The following TSPAN1 variants were observed in gnomAD, a reference collection of about 807,000 sequenced individuals.
The protein encoded by TSPAN1 is tetraspanin 1.
TSPAN1 carries 23 observed loss-of-function variants against 26.9 expected under a neutral mutation model. The ratio of observed to expected loss-of-function variants is 0.85; its 90% CI spans 0.62 to 1.21. The LOEUF is 1.21. TSPAN1 is among the 50% of genes most tolerant of loss of function. TSPAN1 has a pLI of 0.00. For synonymous variants in TSPAN1, 115 were observed against 114.8 expected (o/e 1.00, Z -0.01); for missense variants, 283 against 298.4 (o/e 0.95, Z 0.38).
At chr1:46,183,768 T>C (rs985936566) in intron 3 of TSPAN1, 5 of 255,148 alleles carry the variant, frequency 2.0e-5, no homozygotes, top group African/African-American at 1.1e-4. Context: ...ATGGTGACTA[T>C]TGAGCCTGTT....
At chr1:46,189,290 C>A, downstream of TSPAN1, 1 of 1,613,730 alleles carries the variant, frequency 6.2e-7, no homozygotes, top group Non-Finnish European at 8.5e-7. Flanking sequence ...TCTGGGGCTC[C>A]TGGGGCTCCC....
chr1:46,189,591 G>T, downstream of TSPAN1: 1 of 1,599,420 alleles, frequency 6.3e-7, no homozygotes, highest in Non-Finnish European at 8.5e-7. Flanking sequence ...GATGGAGACA[G>T]AGACATGGGT....
Position 46,184,629 on chromosome 1 carries a change from G to T in TSPAN1, c.300G>T (p.Glu100Asp). Reference protein sequence around the residue: ...FFILLLIFIAEVAAAVVALVY... With the variant: ...FFILLLIFIADVAAAVVALVY... ...TCCTCCTCCTCATCTTCATTGCTGA[G>T]GTTGCAGCTGCTGTGGTCGCCTTGG... Residue 100 changes from glutamate to aspartate, a missense_variant, in exon 5 of 9, where the codon GAG becomes GAT. Physicochemically the swap from Glu to Asp is conservative, Grantham distance 45. Transcript: ENST00000372003. 3 of 1,614,202 alleles carry T rather than the reference G, an allele frequency of 1.9e-6. No homozygotes were observed. The highest frequency in any genetic ancestry group is 2.5e-6 in the Non-Finnish European group (3 of 1,180,050).
intron 1 of TSPAN1, among the ~76,000 whole-genome samples, chr1:46,178,135 T>C (rs1233912544): frequency 6.6e-6 from 1 of 152,130 alleles, no homozygotes. Context: ...GGTGGGTGGA[T>C]GACTTGAGGT....
At chr1:46,180,982 T>G in intron 2 of TSPAN1, 118 bp from the exon 3 acceptor site, 46 of 785,422 alleles carry the variant, frequency 5.9e-5, no homozygotes, top group Non-Finnish European at 9.1e-5. Context: ...AGAAGCTTGG[T>G]GAGATATGGG....
intron 1 of TSPAN1, among the ~76,000 whole-genome samples, chr1:46,176,811 C>T (rs578202243): frequency 2.6e-3 from 402 of 152,344 alleles, no homozygotes; most frequent in African/African-American, 8.9e-3. Context: ...ACTTTACCAA[C>T]GTTATCTCAT....
chr1:46,193,916 T>C, the TSPAN1 span: 12 of 1,614,048 alleles, frequency 7.4e-6, no homozygotes, highest in African/African-American at 9.3e-5. Flanking sequence ...AGGACCTTGT[T>C]GTCTGGGAGC....
chr1:46,195,733 T>C, the TSPAN1 span: 1 of 1,257,488 alleles, frequency 8.0e-7, no homozygotes. Context: ...CTATGTTATA[T>C]GAGGGGCAGA....
chr1:46,194,962 C>T, the TSPAN1 span: 2 of 1,614,036 alleles, frequency 1.2e-6, no homozygotes, highest in Non-Finnish European at 1.7e-6. Flanking sequence ...AGCCCTCATC[C>T]TGGGGGACCA....
At chr1:46,192,798 C>A in the TSPAN1 span, 1 of 1,591,540 alleles carries the variant, frequency 6.3e-7, no homozygotes. Context: ...GCTTCGCCCC[C>A]ACTTGTGAGC....
At chr1:46,190,295 C>T (rs1280949512), downstream of TSPAN1, 12 of 819,664 alleles carry the variant, frequency 1.5e-5, no homozygotes, top group East Asian at 5.2e-5. Flanking sequence ...CCACCCACCT[C>T]GGCCTCCCAA....
the TSPAN1 span, chr1:46,193,543 C>G: frequency 6.2e-7 from 1 of 1,614,044 alleles, no homozygotes; most frequent in Non-Finnish European, 8.5e-7. Context: ...CCACCCGAGG[C>G]ACCCCCCAAG....
downstream of TSPAN1, chr1:46,189,807 T>C (rs201277496): frequency 5.3e-5 from 86 of 1,611,758 alleles, no homozygotes; most frequent in African/African-American, 1.0e-3. Context: ...GGGCAGTATG[T>C]GTGTGAGGGG....
intron 1 of TSPAN1, among the ~76,000 whole-genome samples, chr1:46,177,100 C>T (rs755833866): frequency 3.9e-5 from 6 of 152,000 alleles, no homozygotes; most frequent in Non-Finnish European, 2.9e-5. Flanking sequence ...TTTGGGAGGC[C>T]GAGGTGGGCA....
the TSPAN1 span, chr1:46,193,732 C>T: frequency 3.7e-6 from 6 of 1,601,794 alleles, no homozygotes; most frequent in Non-Finnish European, 5.1e-6. Context: ...CCTATGCTTA[C>T]CCACAGAGGT....
the TSPAN1 span, chr1:46,195,762 A>C: frequency 1.7e-5 from 25 of 1,504,618 alleles, no homozygotes; most frequent in South Asian, 3.0e-4. Context: ...GGCTAGAAGC[A>C]GGGTTGGAGC....
downstream of TSPAN1, chr1:46,188,793 G>A (rs762610409): frequency 1.9e-6 from 3 of 1,612,906 alleles, no homozygotes; most frequent in African/African-American, 2.7e-5. Context: ...GTCTCTGAGT[G>A]AGTCTGTGTC....
downstream of TSPAN1, chr1:46,189,351 C>A (rs1399465959): frequency 6.2e-7 from 1 of 1,613,810 alleles, no homozygotes; most frequent in Non-Finnish European, 8.5e-7. Flanking sequence ...AGGGTGGCTT[C>A]TTCACTCTGG....
In TSPAN1 at chr1:46,181,111, C is replaced by A; in HGVS notation, c.4C>A (p.Gln2Lys). Residue 2 changes from glutamine (Q) to lysine (K), a missense_variant, in exon 3 of 9, where the codon CAG becomes AAG. Coordinates refer to ENST00000372003, the MANE Select transcript of TSPAN1 (RefSeq NM_005727.4). M[Q>K]CFSFIKTMMI... ...TGTCTACCTCCCAGGAGCCACCATGCAGTGCTTCAGCTTCATTAAGACCAT... is the reference window on the plus strand; with the variant it reads ...TGTCTACCTCCCAGGAGCCACCATGAAGTGCTTCAGCTTCATTAAGACCAT... 2 of 1,613,884 alleles carry A rather than the reference C, an allele frequency of 1.2e-6. No individual in the cohort carries two copies. Among genetic ancestry groups the A allele is most frequent in the Non-Finnish European group, 1.7e-6 (2 of 1,179,880 alleles).
Sources: gnomAD v4.1 joint callset for allele counts (sites outside exome capture counted in the v4.1 genomes callset) on GRCh38, gnomAD v4.1.1 for gene constraint, MANE v1.5 for transcripts, NCBI Gene and HGNC (gene_info 2026-07-23, HGNC 2026-07-21) for gene names.